GABRR3: variants seen among roughly 807,000 people sequenced by gnomAD.
The protein encoded by GABRR3 is gamma-aminobutyric acid type A receptor subunit rho3, also known as gamma-aminobutyric acid receptor subunit rho-3.
A neutral mutation model predicts 43.2 loss-of-function variants in GABRR3; 29 were observed. The observed-to-expected ratio is 0.67, with a 90% CI of 0.50 to 0.92. The LOEUF (loss-of-function observed/expected upper bound fraction) is 0.92, where lower values mean the gene tolerates loss of function less well. Among genes scored for constraint, GABRR3 ranks in the 40% least tolerant of loss-of-function variants. The pLI is 0.00. For synonymous variants in GABRR3, 206 were observed against 195.9 expected (o/e 1.05, Z -0.43); for missense variants, 576 against 572.3 (o/e 1.01, Z -0.07).
chr3:97,986,522 C>T (rs1387185603), downstream of GABRR3: 3 of 165,062 alleles, frequency 1.8e-5, no homozygotes, highest in African/African-American at 7.2e-5. Flanking sequence ...AGGACCTAAA[C>T]TCTTTCTTAG....
chr3:98,017,132 A>G (rs951947452), intron 4 of GABRR3, among the ~76,000 whole-genome samples: 1 of 152,202 alleles, frequency 6.6e-6, no homozygotes, highest in African/African-American at 2.4e-5. Flanking sequence ...AGATTTCTAG[A>G]AAAATATAAG....
At chr3:98,001,438 A>T in intron 8 of GABRR3, 177 bp downstream of exon 8, 1 of 619,232 alleles carries the variant, frequency 1.6e-6, no homozygotes, top group Non-Finnish European at 2.8e-6. Flanking sequence ...CAAGGAAAGA[A>T]CTCAATTACA....
intron 7 of GABRR3, among the ~76,000 whole-genome samples, chr3:98,002,808 A>G (rs1706668898): frequency 6.6e-6 from 1 of 152,176 alleles, no homozygotes; most frequent in Non-Finnish European, 1.5e-5. Context: ...TAAAATAAAA[A>G]TCATAGGTAT....
intron 4 of GABRR3, among the ~76,000 whole-genome samples, chr3:98,013,651 G>A (rs1706838917): frequency 6.6e-6 from 1 of 152,130 alleles, no homozygotes; most frequent in Admixed American, 6.5e-5. Context: ...TTAATTATGA[G>A]CTAGTTTGTC....
chr3:98,033,135 G>A (rs1226657036), intron 2 of GABRR3, among the ~76,000 whole-genome samples: 1 of 152,140 alleles, frequency 6.6e-6, no homozygotes. Flanking sequence ...CATTCTAAGT[G>A]GCTACTTCTG....
At chr3:97,995,315 A>C (rs1706522192) in intron 8 of GABRR3, among the ~76,000 whole-genome samples, 1 of 152,138 alleles carries the variant, frequency 6.6e-6, no homozygotes, top group South Asian at 2.1e-4. Flanking sequence ...GTTTTTTAAG[A>C]TATAAAACAT....
At chr3:98,009,819 G>A (rs1338276441) in intron 5 of GABRR3, among the ~76,000 whole-genome samples, 2 of 152,200 alleles carry the variant, frequency 1.3e-5, no homozygotes, top group African/African-American at 2.4e-5. Flanking sequence ...CATTTTGTCT[G>A]CTGTGGGCTA....
intron 2 of GABRR3, among the ~76,000 whole-genome samples, chr3:98,028,008 C>A (rs1254637861): frequency 1.3e-5 from 2 of 151,876 alleles, no homozygotes; most frequent in Non-Finnish European, 2.9e-5. Context: ...CATCATGTAC[C>A]TTTGTAAGAA....
chr3:98,011,609 T>C (rs943785749), intron 5 of GABRR3, among the ~76,000 whole-genome samples: 1 of 75,304 alleles, frequency 1.3e-5, no homozygotes, highest in African/African-American at 3.6e-5. Flanking sequence ...TCTGCAAGGA[T>C]TTTTTTTTCT....
chr3:98,025,449 T>A (rs1352234780), intron 3 of GABRR3, 118 bp downstream of exon 3: 2 of 622,614 alleles, frequency 3.2e-6, no homozygotes, highest in Admixed American at 3.4e-5. Flanking sequence ...TGTAAAAGCC[T>A]TCTTTTTTTG....
intron 8 of GABRR3, chr3:98,000,836 G>A (rs1479125544): frequency 1.3e-5 from 2 of 152,058 alleles, no homozygotes; most frequent in Non-Finnish European, 2.9e-5. Flanking sequence ...ATTATCTCTT[G>A]GGTTCTCATT....
chr3:97,986,940 A>G (rs1445205212), exon 10 of GABRR3: 1 of 1,611,318 alleles, frequency 6.2e-7, no homozygotes, highest in Admixed American at 1.7e-5. Context: ...CAACCATCAA[A>G]GGCCATAGCT....
chr3:98,022,977 G>A (rs832038), intron 3 of GABRR3, among the ~76,000 whole-genome samples: 74,947 of 151,892 alleles, frequency 0.49, 18,560 homozygotes, highest in East Asian at 0.55. Flanking sequence ...TAGGGATGGA[G>A]AATGAAGGCA....
rs530284696 is a variant in GABRR3 at position 98,018,836 on chromosome 3, G to T, written c.239-1114C>A. 8.5e-5 allele frequency among the ~76,000 whole-genome samples: 13 copies of T among 152,240 alleles called. No homozygotes were observed. The South Asian group carries it at 2.7e-3, about 32-fold the overall frequency. ...CGAGATTCAAAGATTTAGGCCGGGC[G>T]TGGTGGCTCACTCCTGTTATCCCAG... On this transcript the variant is annotated intron_variant, in intron 3 of 9. Transcript: ENST00000621172.
intron 2 of GABRR3, among the ~76,000 whole-genome samples, chr3:98,031,072 C>A (rs1049384756): frequency 8.5e-5 from 13 of 152,142 alleles, no homozygotes; most frequent in African/African-American, 3.1e-4. Flanking sequence ...AATCTTATGG[C>A]TCTGATTGAA....
chr3:97,989,273 ATGG>A (rs1706431515), intron 9 of GABRR3, among the ~76,000 whole-genome samples: 1 of 120,892 alleles, frequency 8.3e-6, no homozygotes, highest in South Asian at 3.0e-4. Flanking sequence ...GGTGGTGGGG[ATGG>A]TGGTGGTGGA....
chr3:98,029,160 C>T (rs1392980318), intron 2 of GABRR3, among the ~76,000 whole-genome samples: 1 of 152,202 alleles, frequency 6.6e-6, no homozygotes, highest in Non-Finnish European at 1.5e-5. Context: ...GTGGGAGAGC[C>T]TCTCACTGGC....
At chr3:98,030,482 T>C (rs1328062837) in intron 2 of GABRR3, among the ~76,000 whole-genome samples, 1 of 152,192 alleles carries the variant, frequency 6.6e-6, no homozygotes, top group Non-Finnish European at 1.5e-5. Context: ...TATGCTATGA[T>C]TTTAAACATG....
At chr3:98,008,245 C>T (rs1340174027) in intron 6 of GABRR3, among the ~76,000 whole-genome samples, 1 of 152,314 alleles carries the variant, frequency 6.6e-6, no homozygotes, top group South Asian at 2.1e-4. Context: ...CCCTCACTGT[C>T]ACAGGCCTGA....
Sources: gnomAD v4.1 joint callset for allele counts (sites outside exome capture counted in the v4.1 genomes callset) on GRCh38, gnomAD v4.1.1 for gene constraint, MANE v1.5 for transcripts, NCBI Gene and HGNC (gene_info 2026-07-23, HGNC 2026-07-21) for gene names.